Variants in GMPS observed in about 807,000 individuals in gnomAD.
The protein encoded by GMPS is guanosine monophosphate synthase.
Under a neutral mutation model 77.9 loss-of-function variants are expected in GMPS, and 15 were observed. The ratio of observed to expected loss-of-function variants is 0.19; its 90% CI spans 0.13 to 0.30. The LOEUF (loss-of-function observed/expected upper bound fraction) is 0.30. Among genes scored for constraint, GMPS ranks in the 10% least tolerant of loss-of-function variants. The probability of loss-of-function intolerance (pLI) is 1.00; values close to 1 mark genes in which losing one functional copy is unlikely to be tolerated. For missense variants in GMPS, 590 were observed against 838.8 expected (o/e 0.70, Z 3.66); for synonymous variants, 224 against 275.9 (o/e 0.81, Z 1.86).
At chr3:155,894,087 T>C (rs1355922418) in intron 2 of GMPS, among the ~76,000 whole-genome samples, 3 of 152,228 alleles carry the variant, frequency 2.0e-5, no homozygotes, top group Non-Finnish European at 2.9e-5. Flanking sequence ...CCTATCCCAA[T>C]AGACTAGTTT....
chr3:155,942,941 A>G lies in GMPS; in HGVS notation c.*5249A>G, dbSNP rs947314787. 38 of 190,356 alleles carry G rather than the reference A, an allele frequency of 2.0e-4. No homozygotes were observed. In the Admixed American group the frequency reaches 2.2e-3, roughly 11 times the overall value. 11.8% of individuals were successfully genotyped at this position (190,356 alleles called of 1,614,324 possible). A position where few individuals can be genotyped will look rare whatever the true frequency, so the allele number is the denominator to read the frequency against. ...GCACCATCTTAATTGGCTCATTAAC[A>G]TATTTGTGACCAGGCACAGTGGCGC... On this transcript the variant is annotated 3_prime_UTR_variant, in exon 16 of 16. Coordinates refer to ENST00000496455, the MANE Select transcript of GMPS (RefSeq NM_003875.3).
At chr3:155,880,645 A>G (rs1238362232) in intron 1 of GMPS, among the ~76,000 whole-genome samples, 1 of 152,242 alleles carries the variant, frequency 6.6e-6, no homozygotes, top group Non-Finnish European at 1.5e-5. Context: ...TGAACAATAA[A>G]TAGAATCAGA....
intron 2 of GMPS, among the ~76,000 whole-genome samples, chr3:155,896,729 AT>A (rs1020255894): frequency 0.072 from 6,647 of 92,076 alleles, 218 homozygotes; most frequent in Admixed American, 0.18. Flanking sequence ...CCTTACTGAG[AT>A]TTTTTTTTTT....
In GMPS at chr3:155,938,638, T is replaced by G. The variant is rs1215945026; in HGVS notation, c.*946T>G. On this transcript the variant is annotated 3_prime_UTR_variant, in exon 16 of 16. Transcript: ENST00000496455. ...GCTTACAAAAGGGAGAGGAAAAATG[T>G]TTATATCATCTAGTAAACAGTTGTA... 2 of 201,872 alleles carry G rather than the reference T, an allele frequency of 9.9e-6. No homozygotes were observed. Among genetic ancestry groups the G allele is most frequent in the Non-Finnish European group, 2.0e-5 (2 of 98,076 alleles). 12.5% of individuals were successfully genotyped at this position (201,872 alleles called of 1,614,324 possible). A position where few individuals can be genotyped will look rare whatever the true frequency, so the allele number is the denominator to read the frequency against.
intron 12 of GMPS, among the ~76,000 whole-genome samples, chr3:155,928,098 C>T (rs1439157414): frequency 7.4e-6 from 1 of 136,016 alleles, no homozygotes; most frequent in Non-Finnish European, 1.5e-5. Flanking sequence ...TTGATCTCAG[C>T]TCATGGCAAC....
At chr3:155,934,065 G>A (rs1202243523) in intron 13 of GMPS, among the ~76,000 whole-genome samples, 3 of 152,092 alleles carry the variant, frequency 2.0e-5, no homozygotes, top group Non-Finnish European at 4.4e-5. Flanking sequence ...AATCTCTCTA[G>A]AATGATTGTT....
Position 155,881,630 on chromosome 3 carries a change from A to G in GMPS, c.27+10733A>G, listed in dbSNP as rs80151534. On this transcript the variant is annotated intron_variant, in intron 1 of 15. Coordinates refer to ENST00000496455, the MANE Select transcript of GMPS (RefSeq NM_003875.3). ...CACAAAATGTAAGTGGCATACAAAC[A>G]TAAGCACTTATTTTTTGTTCGTGAG... Among the ~76,000 whole-genome samples, 746 of 152,356 alleles carry G rather than the reference A, an allele frequency of 4.9e-3. 3 individuals carry two copies. The highest frequency in any genetic ancestry group is 7.3e-3 in the Non-Finnish European group (500 of 68,036).
chr3:155,880,091 ATTTC>A (rs1343292844), intron 1 of GMPS, among the ~76,000 whole-genome samples: 2 of 151,720 alleles, frequency 1.3e-5, no homozygotes, highest in Non-Finnish European at 2.9e-5. Flanking sequence ...GGCTTAATTT[ATTTC>A]TTCTTTTGTC....
intron 1 of GMPS, among the ~76,000 whole-genome samples, chr3:155,886,561 T>A (rs1463027087): frequency 1.3e-4 from 14 of 110,872 alleles, no homozygotes; most frequent in Non-Finnish European, 1.6e-4. Context: ...AGTACAAGAG[T>A]CCATCTCAAA....
At chr3:155,872,047 G>C (rs969187779) in intron 1 of GMPS, among the ~76,000 whole-genome samples, 23 of 152,080 alleles carry the variant, frequency 1.5e-4, no homozygotes, top group African/African-American at 5.6e-4. Context: ...CTAGCTTTAG[G>C]AAAAAACTTA....
intron 8 of GMPS, among the ~76,000 whole-genome samples, chr3:155,914,863 G>T (rs1447828144): frequency 6.6e-6 from 1 of 151,862 alleles, no homozygotes. Flanking sequence ...CTGCCTTCTG[G>T]GTTCAAGTGA....
At chr3:155,934,551 TA>T (rs1426690058) in intron 13 of GMPS, among the ~76,000 whole-genome samples, 1 of 152,230 alleles carries the variant, frequency 6.6e-6, no homozygotes, top group Non-Finnish European at 1.5e-5. Flanking sequence ...TTAACTTGAT[TA>T]CATTTGCAAA....
At chr3:155,933,768 G>T (rs1269803605) in intron 13 of GMPS, among the ~76,000 whole-genome samples, 1 of 152,168 alleles carries the variant, frequency 6.6e-6, no homozygotes, top group Non-Finnish European at 1.5e-5. Flanking sequence ...TAGCTAAGTG[G>T]CACTCATATC....
At chr3:155,873,413 G>C (rs1181789536) in intron 1 of GMPS, among the ~76,000 whole-genome samples, 1 of 151,056 alleles carries the variant, frequency 6.6e-6, no homozygotes, top group East Asian at 2.0e-4. Context: ...TACAGGCGTG[G>C]ATCACCCCGC....
intron 4 of GMPS, among the ~76,000 whole-genome samples, chr3:155,905,571 A>G (rs749847531): frequency 2.6e-5 from 4 of 152,186 alleles, no homozygotes; most frequent in Non-Finnish European, 5.9e-5. Context: ...TAGAATTGGG[A>G]AACAGAATCA....
In GMPS at chr3:155,938,456, C is replaced by G. The variant is rs948820637; in HGVS notation, c.*764C>G. On this transcript the variant is annotated 3_prime_UTR_variant, in exon 16 of 16. Coordinates refer to ENST00000496455, the MANE Select transcript of GMPS (RefSeq NM_003875.3). ...GCCTTATATTACCAGCCCCCCACAG[C>G]CTTGCATAGAAAGTTTCTGTTATCT... 4.7e-6 allele frequency: 1 copy of G among 211,316 alleles called. No homozygotes were observed. Among genetic ancestry groups the G allele is most frequent in the East Asian group, 7.1e-5 (1 of 14,162 alleles). The allele number at this position is 211,316 out of a possible 1,614,324, so 13.1% of individuals were successfully genotyped here. A position where few individuals can be genotyped will look rare whatever the true frequency, so the allele number is the denominator to read the frequency against.
chr3:155,933,894 A>G (rs1755695047), intron 13 of GMPS, among the ~76,000 whole-genome samples: 1 of 152,202 alleles, frequency 6.6e-6, no homozygotes, highest in South Asian at 2.1e-4. Context: ...TCCTCAAGTT[A>G]TGTTCCAAAC....
chr3:155,884,734 C>G (rs887238209), intron 1 of GMPS, among the ~76,000 whole-genome samples: 2 of 152,160 alleles, frequency 1.3e-5, no homozygotes, highest in African/African-American at 4.8e-5. Context: ...GAACTGTATT[C>G]AGTTTACCTG....
At chr3:155,870,991 C>T in intron 1 of GMPS, 94 bp downstream of exon 1, 2 of 1,177,920 alleles carry the variant, frequency 1.7e-6, no homozygotes, top group Non-Finnish European at 1.1e-6. Flanking sequence ...CACCCCCTTC[C>T]CCCAGCCCGT....
Sources: allele counts gnomAD v4.1 joint callset (sites outside exome capture counted in the v4.1 genomes callset), GRCh38; gene constraint gnomAD v4.1.1; transcripts MANE v1.5; gene names NCBI Gene and HGNC (gene_info 2026-07-23, HGNC 2026-07-21).